The following ANKS1B variants were observed in gnomAD, a reference collection of about 807,000 sequenced individuals.
ANKS1B encodes ankyrin repeat and sterile alpha motif domain-containing protein 1B.
ANKS1B carries 36 observed loss-of-function variants against 148.3 expected under a neutral mutation model. The ratio of observed to expected loss-of-function variants is 0.24; its 90% CI spans 0.19 to 0.32. The LOEUF (loss-of-function observed/expected upper bound fraction) is 0.32, where lower values mean the gene tolerates loss of function less well. Among genes scored for constraint, ANKS1B ranks in the 10% least tolerant of loss-of-function variants. ANKS1B has a pLI of 1.00. For missense variants in ANKS1B, 1,157 were observed against 1,542.6 expected (o/e 0.75, Z 4.19); for synonymous variants, 542 against 560.8 (o/e 0.97, Z 0.47).
chr12:99,152,840 A>T (rs2075301686), intron 15 of ANKS1B, among the ~76,000 whole-genome samples: 1 of 152,194 alleles, frequency 6.6e-6, no homozygotes, highest in East Asian at 1.9e-4. Flanking sequence ...TCTGTTTGAT[A>T]GTTCTTCTAA....
chr12:99,089,508 T>C (rs1486576260), intron 15 of ANKS1B, among the ~76,000 whole-genome samples: 2 of 152,356 alleles, frequency 1.3e-5, no homozygotes, highest in Admixed American at 6.5e-5. Context: ...ATCGCCATCA[T>C]TGTAGCAAGT....
At chr12:99,218,823 A>C (rs192360471) in intron 14 of ANKS1B, among the ~76,000 whole-genome samples, 76 of 152,304 alleles carry the variant, frequency 5.0e-4, no homozygotes, top group African/African-American at 1.8e-3. Flanking sequence ...AAAGTTAACT[A>C]ACTATATCTT....
At chr12:99,642,953 C>G (rs534303953) in intron 9 of ANKS1B, among the ~76,000 whole-genome samples, 75 of 152,286 alleles carry the variant, frequency 4.9e-4, no homozygotes, top group African/African-American at 1.6e-3. Context: ...CTCATCATAT[C>G]ACACTATAAG....
chr12:99,807,275 G>A (rs2067745177), intron 3 of ANKS1B, among the ~76,000 whole-genome samples: 1 of 152,206 alleles, frequency 6.6e-6, no homozygotes, highest in Admixed American at 6.5e-5. Context: ...CATGGGTTGT[G>A]AGGATGGACC....
chr12:99,894,724 C>T (rs1293400619), intron 1 of ANKS1B, among the ~76,000 whole-genome samples: 1 of 149,304 alleles, frequency 6.7e-6, no homozygotes, highest in Non-Finnish European at 1.5e-5. Context: ...TATTTCACCC[C>T]ACTCTGTGAT....
At chr12:98,932,675 A>C (rs528445393) in intron 17 of ANKS1B, among the ~76,000 whole-genome samples, 1 of 152,324 alleles carries the variant, frequency 6.6e-6, no homozygotes, top group South Asian at 2.1e-4. Flanking sequence ...AATTGTTATT[A>C]CATACTTGTT....
chr12:99,739,130 T>G (rs1328233865), intron 8 of ANKS1B, among the ~76,000 whole-genome samples: 1 of 151,848 alleles, frequency 6.6e-6, no homozygotes, highest in Non-Finnish European at 1.5e-5. Context: ...TCTCCTAACT[T>G]TCACAACCTC....
intron 19 of ANKS1B, 29 bp from the exon 20 acceptor site, chr12:98,807,947 T>G: frequency 6.3e-7 from 1 of 1,576,696 alleles, no homozygotes. Context: ...TATCTTATCT[T>G]GTCAATATTT....
chr12:98,833,368 T>C (rs140508818), intron 17 of ANKS1B, among the ~76,000 whole-genome samples: 121 of 152,326 alleles, frequency 7.9e-4, no homozygotes, highest in African/African-American at 2.5e-3. Flanking sequence ...CTCCAAATGT[T>C]ACCAGCTTCT....
At chr12:99,552,971 CATGGTTG>C (rs1372458503) in intron 9 of ANKS1B, among the ~76,000 whole-genome samples, 1 of 152,122 alleles carries the variant, frequency 6.6e-6, no homozygotes, top group African/African-American at 2.4e-5. Context: ...GTTTTCCACC[CATGGTTG>C]ATGAATCCAT....
At chr12:99,309,913 G>T (rs1288581798) in intron 12 of ANKS1B, among the ~76,000 whole-genome samples, 1 of 152,094 alleles carries the variant, frequency 6.6e-6, no homozygotes, top group Non-Finnish European at 1.5e-5. Flanking sequence ...TAGTAATCAC[G>T]AGTTTGGAGT....
chr12:99,752,600 A>G (rs1341782757), intron 8 of ANKS1B, among the ~76,000 whole-genome samples: 4 of 152,014 alleles, frequency 2.6e-5, no homozygotes, highest in Admixed American at 1.3e-4. Context: ...AAAATATCAT[A>G]ATGTGTATTT....
intron 1 of ANKS1B, among the ~76,000 whole-genome samples, chr12:99,941,335 A>T (rs944895586): frequency 6.6e-6 from 1 of 152,156 alleles, no homozygotes; most frequent in African/African-American, 2.4e-5. Flanking sequence ...TTTCAAAAGT[A>T]TATCTAAAAG....
At chr12:99,121,676 C>G (rs9888343) in intron 15 of ANKS1B, among the ~76,000 whole-genome samples, 9,532 of 152,114 alleles carry the variant, frequency 0.063, 656 homozygotes, top group African/African-American at 0.17. Flanking sequence ...TTAATAATAA[C>G]CATAGCCACG....
chr12:99,929,117 T>A (rs1034193527), intron 1 of ANKS1B, among the ~76,000 whole-genome samples: 19 of 152,196 alleles, frequency 1.2e-4, no homozygotes, highest in Non-Finnish European at 2.8e-4. Flanking sequence ...GAATACAATA[T>A]TTCAGGTTCA....
chr12:99,354,429 T>C (rs4633546), intron 12 of ANKS1B, among the ~76,000 whole-genome samples: 70,575 of 151,824 alleles, frequency 0.46, 18,491 homozygotes, highest in African/African-American at 0.71. Context: ...TTTGTCTCTG[T>C]CTTTTTGTTT....
At chr12:99,909,829 C>T (rs561460619) in intron 1 of ANKS1B, among the ~76,000 whole-genome samples, 5 of 152,090 alleles carry the variant, frequency 3.3e-5, no homozygotes, top group Admixed American at 2.6e-4. Context: ...TCCCTCTTCT[C>T]TCTATGCTTC....
intron 12 of ANKS1B, among the ~76,000 whole-genome samples, chr12:99,331,018 T>C (rs1216402456): frequency 1.3e-5 from 2 of 151,978 alleles, no homozygotes; most frequent in African/African-American, 4.8e-5. Flanking sequence ...AACAATGCAT[T>C]GATGAATCCA....
At chr12:99,531,620 T>C (rs1368762235) in intron 9 of ANKS1B, among the ~76,000 whole-genome samples, 2 of 152,228 alleles carry the variant, frequency 1.3e-5, no homozygotes, top group East Asian at 1.9e-4. Flanking sequence ...TGATGGGCAC[T>C]GAGATTGATT....
Sources: gnomAD v4.1 joint callset for allele counts (sites outside exome capture counted in the v4.1 genomes callset) on GRCh38, gnomAD v4.1.1 for gene constraint, MANE v1.5 for transcripts, NCBI Gene and HGNC (gene_info 2026-07-23, HGNC 2026-07-21) for gene names.